Variants in PNPLA7 observed in about 807,000 individuals in gnomAD.
PNPLA7 encodes patatin like domain 7, lysophospholipase.
PNPLA7 carries 153 observed loss-of-function variants against 161.7 expected under a neutral mutation model. That is an observed-to-expected ratio of 0.95 (90% CI 0.83 to 1.08). The LOEUF (loss-of-function observed/expected upper bound fraction) is 1.08. Among genes scored for constraint, PNPLA7 ranks in the 50% least tolerant of loss-of-function variants. PNPLA7 has a pLI of 0.00. For missense variants in PNPLA7, 1,739 were observed against 1,856.6 expected, an observed-to-expected ratio of 0.94 and a Z score of 1.16; for synonymous variants, 809 against 782.1, an observed-to-expected ratio of 1.03 and a Z score of -0.57.
intron 1 of PNPLA7, among the ~76,000 whole-genome samples, chr9:137,548,949 A>G (rs1368583657): frequency 6.6e-6 from 1 of 152,196 alleles, no homozygotes; most frequent in Non-Finnish European, 1.5e-5. Context: ...GGAGCAGAGA[A>G]GCACCTACGA....
intron 8 of PNPLA7, among the ~76,000 whole-genome samples, chr9:137,532,684 C>G (rs772526156): frequency 6.6e-6 from 1 of 152,138 alleles, no homozygotes; most frequent in African/African-American, 2.4e-5. Context: ...GAGGACTGGT[C>G]CTCACTGCAG....
Position 137,495,206 on chromosome 9 carries a change from T to C in PNPLA7, c.2014-60A>G, listed in dbSNP as rs150183910. The C allele has an allele frequency of 5.9e-3, 7,475 of 1,267,028 alleles. 35 individuals are homozygous for C. The highest frequency in any genetic ancestry group is 6.6e-3 in the Non-Finnish European group (5,946 of 904,136). The allele number at this position is 1,267,028 out of a possible 1,614,324, so 78.5% of individuals were successfully genotyped here. On this transcript the variant is annotated intron_variant, in intron 18 of 34. Transcript: ENST00000406427. The stretch of plus-strand genomic sequence containing the variant: ...TTGGGAGGGCCGAGCCAGCTGGACC[T>C]GTCCCTGACAGCCTCCGGTGCCTGC...
chr9:137,530,494 T>G (rs180770774), intron 8 of PNPLA7, among the ~76,000 whole-genome samples: 1 of 152,316 alleles, frequency 6.6e-6, no homozygotes, highest in Non-Finnish European at 1.5e-5. Flanking sequence ...GGCAAGGCCA[T>G]GAGTAACAGA....
intron 12 of PNPLA7, chr9:137,509,255 T>G (rs1053674563): frequency 6.5e-6 from 1 of 153,800 alleles, no homozygotes; most frequent in African/African-American, 2.5e-5. Context: ...TTAGCTGGCA[T>G]GAGTGAGTTT....
At chr9:137,522,234 C>T (rs771249628) in intron 9 of PNPLA7, among the ~76,000 whole-genome samples, 1 of 152,248 alleles carries the variant, frequency 6.6e-6, no homozygotes, top group Non-Finnish European at 1.5e-5. Context: ...GCCACCACGC[C>T]TGGCTAATTT....
intron 8 of PNPLA7, among the ~76,000 whole-genome samples, chr9:137,530,113 C>A (rs568686886): frequency 3.9e-4 from 60 of 152,116 alleles, no homozygotes; most frequent in African/African-American, 1.4e-3. Context: ...TAGAGGTGCG[C>A]GCCACCACAC....
chr9:137,540,173 G>A lies in PNPLA7; in HGVS notation c.747+469C>T, dbSNP rs181648338. Among the ~76,000 whole-genome samples the A allele has an allele frequency of 1.7e-4, 26 of 152,276 alleles. No homozygotes were observed. Among genetic ancestry groups the A allele is most frequent in the Admixed American group, 3.3e-4 (5 of 15,278 alleles). On this transcript the variant is annotated intron_variant, in intron 8 of 34. Coordinates refer to ENST00000406427, the MANE Select transcript of PNPLA7 (RefSeq NM_001098537.3). The surrounding 1 kb of genome is among the most constrained non-coding windows in gnomAD (Gnocchi z 5.1). ...ATCCTGCAGATCAGGCTCTGGTATC[G>A]GAAACGATGGACACAGGAAACCATT...
intron 9 of PNPLA7, among the ~76,000 whole-genome samples, chr9:137,522,082 A>C (rs1835022382): frequency 6.6e-6 from 1 of 152,120 alleles, no homozygotes. Flanking sequence ...TATATATTAC[A>C]ATTTTTTTTT....
Position 137,479,198 on chromosome 9 carries a change from TTC to T in PNPLA7, c.2619_2620del (p.Lys874AlafsTer123). 6.4e-7 allele frequency: 1 copy of T among 1,559,268 alleles called. No homozygotes were observed. Among genetic ancestry groups the T allele is most frequent in the South Asian group, 1.2e-5 (1 of 84,864 alleles). On this transcript the variant is annotated frameshift_variant, in exon 24 of 35. Coordinates refer to ENST00000406427, the MANE Select transcript of PNPLA7 (RefSeq NM_001098537.3). LOFTEE classifies it high-confidence loss of function. ...CTCCCTGTGCAGCAGGATCAGCTGCTTCTGGGCACGCACAGCTGTGCTCTCCA... is the reference window on the plus strand; with the variant it reads ...CTCCCTGTGCAGCAGGATCAGCTGCTTGGGCACGCACAGCTGTGCTCTCCA...
intron 14 of PNPLA7, 59 bp from the exon 15 acceptor site, chr9:137,501,786 A>C: frequency 6.5e-7 from 1 of 1,543,772 alleles, no homozygotes; most frequent in Non-Finnish European, 8.9e-7. Flanking sequence ...AGGTCCAGAG[A>C]ACAGAGGCTG....
rs567994636 is a variant in PNPLA7, at chr9:137,501,530, G to A, written c.1551+120C>T. 229 of 954,848 alleles carry A rather than the reference G, an allele frequency of 2.4e-4. 1 individual carries two copies. Among genetic ancestry groups the A allele is most frequent in the Non-Finnish European group, 1.7e-4 (107 of 637,200 alleles). The allele number at this position is 954,848 out of a possible 1,614,324, so 59.1% of individuals were successfully genotyped here. A position where few individuals can be genotyped will look rare whatever the true frequency, so the allele number is the denominator to read the frequency against. ...TGCCATGGTGCCCAGAGGGGCAGTG[G>A]CCCGGTGCTGGGAGGTCCCCAGTCA... On this transcript the variant is annotated intron_variant, in intron 15 of 34. Coordinates refer to ENST00000406427, the MANE Select transcript of PNPLA7 (RefSeq NM_001098537.3).
At chr9:137,527,107 A>T (rs1323236358) in intron 8 of PNPLA7, among the ~76,000 whole-genome samples, 1 of 152,100 alleles carries the variant, frequency 6.6e-6, no homozygotes, top group Non-Finnish European at 1.5e-5. Flanking sequence ...TCTCTACTAA[A>T]AATACAAAAA....
Position 137,540,681 on chromosome 9 carries a change from G to A in PNPLA7, c.708C>T (p.Asp236=). ...GGATGCTGAGCAGGCTGTGGACGCTGTCTCCCGCCAGAACCTCTTTCACCA... is the reference window on the plus strand; with the variant it reads ...GGATGCTGAGCAGGCTGTGGACGCTATCTCCCGCCAGAACCTCTTTCACCA... ...EVVVKEVLAG[D]SVHSLLSILD... is the part of the protein sequence containing the mutation. The change falls in exon 8 of 35, where the codon GAC becomes GAT. Residue 236 remains aspartate, a synonymous_variant. Transcript: ENST00000406427. This position sits in a 1 kb window ranked among gnomAD's most constrained non-coding sequence, Gnocchi z 5.1. 3 of 1,612,130 alleles carry A rather than the reference G, an allele frequency of 1.9e-6. No individual in the cohort carries two copies. Among genetic ancestry groups the A allele is most frequent in the Non-Finnish European group, 2.5e-6 (3 of 1,179,460 alleles).
intron 20 of PNPLA7, among the ~76,000 whole-genome samples, chr9:137,489,547 G>A (rs118108702): frequency 3.2e-3 from 488 of 152,294 alleles, no homozygotes; most frequent in Non-Finnish European, 4.9e-3. Context: ...AGATAAAAAC[G>A]ACCGCATGTC....
chr9:137,502,389 T>C (rs1333008837), intron 14 of PNPLA7, among the ~76,000 whole-genome samples: 3 of 151,626 alleles, frequency 2.0e-5, no homozygotes, highest in African/African-American at 7.3e-5. Flanking sequence ...ACCATTAAAC[T>C]TCCCAAACCC....
chr9:137,505,798 G>C (rs369084086), intron 13 of PNPLA7, 38 bp from the exon 14 acceptor site: 2 of 1,610,710 alleles, frequency 1.2e-6, no homozygotes, highest in African/African-American at 1.3e-5. Flanking sequence ...TCGAAGGGAT[G>C]TGGTTGGGGA....
In PNPLA7 at chr9:137,547,429, C is replaced by T. The variant is rs570826386; in HGVS notation, c.106-33G>A. On this transcript the variant is annotated intron_variant, in intron 2 of 34. Coordinates refer to ENST00000406427, the MANE Select transcript of PNPLA7 (RefSeq NM_001098537.3). This position sits in a 1 kb window ranked among gnomAD's most constrained non-coding sequence, Gnocchi z 4.6. ...AGAGTGGAAACACGGCGCCCATCAG[C>T]AAAGCCACAAACCTAACCCTAGCCC... 2.5e-6 allele frequency: 4 copies of T among 1,611,504 alleles called. No individual in the cohort carries two copies. The highest frequency in any genetic ancestry group is 2.7e-5 in the African/African-American group (2 of 75,014).
chr9:137,504,075 A>AGAAGAAGAAG (rs1240643345), intron 14 of PNPLA7, among the ~76,000 whole-genome samples: 5 of 147,972 alleles, frequency 3.4e-5, no homozygotes, highest in African/African-American at 1.0e-4. Context: ...AGAAGAAGGA[A>AGAAGAAGAAG]GAAGAAGAAG....
chr9:137,505,561 A>G, intron 14 of PNPLA7, 53 bp downstream of exon 14: 1 of 1,600,070 alleles, frequency 6.2e-7, no homozygotes. Flanking sequence ...GGCAGAGAGG[A>G]GGCCACGGGC....
Sources: gnomAD v4.1 joint callset for allele counts (sites outside exome capture counted in the v4.1 genomes callset) on GRCh38, gnomAD v4.1.1 for gene constraint, Gnocchi (gnomAD v3.1) non-coding constraint, MANE v1.5 for transcripts, NCBI Gene and HGNC (gene_info 2026-07-23, HGNC 2026-07-21) for gene names.